Variants in MOCOS observed in about 807,000 individuals in gnomAD.
The protein encoded by MOCOS is human molybdenum cofactor sulfurase.
In MOCOS, 86 loss-of-function variants were observed where a neutral mutation model predicts 83.6. The ratio of observed to expected loss-of-function variants is 1.03; its 90% CI spans 0.86 to 1.23. The LOEUF is 1.23. Ranked by LOEUF, MOCOS falls within the 50% of genes most tolerant of loss-of-function variation. The pLI is 0.00. For missense variants in MOCOS, 1,120 were observed against 1,126.9 expected (o/e 0.99, Z 0.09); for synonymous variants, 445 against 434.7 (o/e 1.02, Z -0.29).
intron 2 of MOCOS, among the ~76,000 whole-genome samples, chr18:36,196,288 T>A (rs573327786): frequency 6.6e-6 from 1 of 152,324 alleles, no homozygotes; most frequent in East Asian, 1.9e-4. Flanking sequence ...TAAGTAACAT[T>A]TATCAGGTAC....
intron 9 of MOCOS, 123 bp downstream of exon 9, chr18:36,220,340 T>TAAAAA: frequency 9.5e-7 from 1 of 1,049,014 alleles, no homozygotes; most frequent in Non-Finnish European, 1.3e-6. Context: ...ACCTCATCTC[T>TAAAAA]ACAAAAAAAA....
intron 11 of MOCOS, among the ~76,000 whole-genome samples, chr18:36,256,576 G>A (rs553301880): frequency 8.6e-5 from 13 of 151,858 alleles, no homozygotes; most frequent in African/African-American, 3.1e-4. Context: ...CAGCCTCCTG[G>A]GTAGCAGGGA....
chr18:36,213,970 G>A (rs1305757570), intron 7 of MOCOS, among the ~76,000 whole-genome samples: 4 of 150,922 alleles, frequency 2.7e-5, no homozygotes, highest in South Asian at 4.2e-4. Flanking sequence ...AGCCGGGCAC[G>A]GTGGCTCATG....
At chr18:36,237,890 T>C (rs2091565533) in intron 9 of MOCOS, among the ~76,000 whole-genome samples, 1 of 151,356 alleles carries the variant, frequency 6.6e-6, no homozygotes, top group African/African-American at 2.4e-5. Flanking sequence ...AATTTATCCA[T>C]TTCTTCTAGA....
At chr18:36,264,479 G>A (rs567768359) in intron 13 of MOCOS, among the ~76,000 whole-genome samples, 4 of 152,248 alleles carry the variant, frequency 2.6e-5, no homozygotes, top group South Asian at 4.1e-4. Flanking sequence ...CAAAAGCCTC[G>A]TTCCACTGCA....
At chr18:36,207,816 T>A (rs2091440193) in intron 6 of MOCOS, among the ~76,000 whole-genome samples, 1 of 152,222 alleles carries the variant, frequency 6.6e-6, no homozygotes. Context: ...CATTTGTCAA[T>A]TTTTCCTTTT....
At chr18:36,189,660 A>G (rs2091357176) in intron 1 of MOCOS, among the ~76,000 whole-genome samples, 1 of 152,126 alleles carries the variant, frequency 6.6e-6, no homozygotes, top group Non-Finnish European at 1.5e-5. Flanking sequence ...GAATATACGG[A>G]TGTGTGTCAA....
intron 4 of MOCOS, among the ~76,000 whole-genome samples, chr18:36,201,662 C>CAAAAAAAAAAAA (rs1568050276): frequency 1.2e-3 from 3 of 2,522 alleles, no homozygotes; most frequent in African/African-American, 1.9e-3. Flanking sequence ...GACTCCATCT[C>CAAAAAAAAAAAA]CAAAAAAAAA....
At chr18:36,194,261 A>T (rs2091378016) in intron 1 of MOCOS, among the ~76,000 whole-genome samples, 1 of 152,194 alleles carries the variant, frequency 6.6e-6, no homozygotes, top group East Asian at 1.9e-4. Flanking sequence ...GTATACTTTA[A>T]GAGAGTGAAT....
intron 9 of MOCOS, among the ~76,000 whole-genome samples, chr18:36,238,891 G>A (rs1173302503): frequency 7.0e-6 from 1 of 143,712 alleles, no homozygotes; most frequent in Non-Finnish European, 1.5e-5. Context: ...TTATGTAATG[G>A]CCTTCTTTGT....
At chr18:36,201,816 C>G (rs1236618545) in intron 4 of MOCOS, among the ~76,000 whole-genome samples, 1 of 152,110 alleles carries the variant, frequency 6.6e-6, no homozygotes, top group Non-Finnish European at 1.5e-5. Context: ...CAGGAATGCT[C>G]ATGTAAAACC....
rs1303330992 is a variant in MOCOS, at chr18:36,272,042, GAT to G, written c.*3361_*3362del. The G allele has an allele frequency of 3.9e-5, 6 of 152,186 alleles. No homozygotes were observed. The highest frequency in any genetic ancestry group is 8.8e-5 in the Non-Finnish European group (6 of 68,036). The allele number at this position is 152,186 out of a possible 1,614,324, so 9.4% of individuals were successfully genotyped here. On this transcript the variant is annotated 3_prime_UTR_variant, in exon 15 of 15. Coordinates refer to ENST00000261326, the MANE Select transcript of MOCOS (RefSeq NM_017947.4). ...GACAGACTAGGTAATAGTCAGATGT[GAT>G]ATAGTATGTTTAAGCTATAGGATGG...
chr18:36,212,223 T>A (rs1246839770), intron 6 of MOCOS, among the ~76,000 whole-genome samples: 1 of 152,224 alleles, frequency 6.6e-6, no homozygotes, highest in African/African-American at 2.4e-5. Context: ...CATGCCCTGT[T>A]TAAATTCTTC....
At chr18:36,190,489 C>G (rs531023414) in intron 1 of MOCOS, among the ~76,000 whole-genome samples, 1 of 152,122 alleles carries the variant, frequency 6.6e-6, no homozygotes, top group Non-Finnish European at 1.5e-5. Flanking sequence ...GTGGCTCAAG[C>G]CTGTAATCCT....
At chr18:36,219,934 T>A in intron 8 of MOCOS, 121 bp from the exon 9 acceptor site, 1 of 1,269,226 alleles carries the variant, frequency 7.9e-7, no homozygotes, top group Non-Finnish European at 1.1e-6. Flanking sequence ...CCTCCCTTTC[T>A]TCCTTCCAGT....
At position 36,214,916 on chromosome 18, in the gene MOCOS, C is replaced by G. The variant is rs1445475936; in HGVS notation, c.1336-600C>G. On this transcript the variant is annotated intron_variant, in intron 7 of 14. Transcript: ENST00000261326. ...CTCCATGCACTGTGCTGACCTGTGA[C>G]CAACACCAGGCAGCCGGGCTCGGAG... Among the ~76,000 whole-genome samples the G allele has an allele frequency of 2.6e-5, 4 of 152,184 alleles. No individual in the cohort carries two copies. The East Asian group carries it at 5.8e-4, about 22-fold the overall frequency.
intron 5 of MOCOS, 44 bp from the exon 6 acceptor site, chr18:36,205,033 T>C (rs767323890): frequency 5.3e-6 from 6 of 1,130,452 alleles, no homozygotes; most frequent in Non-Finnish European, 7.9e-6. Context: ...ATTGAGAATT[T>C]ACATAAAGCT....
Position 36,229,651 on chromosome 18 carries a change from A to G in MOCOS, c.1960+9434A>G, listed in dbSNP as rs78446960. Among the ~76,000 whole-genome samples, 1,392 of 152,138 alleles carry G rather than the reference A, an allele frequency of 9.1e-3. 21 individuals carry two copies. The highest frequency in any genetic ancestry group is 0.031 in the African/African-American group (1,281 of 41,492). On this transcript the variant is annotated intron_variant, in intron 9 of 14. Transcript: ENST00000261326. Reference sequence around the variant, plus strand: ...CATAATGTATATATTGGTCCACTTGATGATGTCTCATAATTCCCCTAGGCT... The same window carrying G: ...CATAATGTATATATTGGTCCACTTGGTGATGTCTCATAATTCCCCTAGGCT...
chr18:36,231,057 G>C (rs1236403405), intron 9 of MOCOS, among the ~76,000 whole-genome samples: 1 of 152,134 alleles, frequency 6.6e-6, no homozygotes, highest in Non-Finnish European at 1.5e-5. Flanking sequence ...AAATAAGAAT[G>C]ATGTTTATTG....
Sources: gnomAD v4.1 joint callset for allele counts (sites outside exome capture counted in the v4.1 genomes callset) on GRCh38, gnomAD v4.1.1 for gene constraint, MANE v1.5 for transcripts, NCBI Gene and HGNC (gene_info 2026-07-23, HGNC 2026-07-21) for gene names.